ISLR2: variants seen among roughly 807,000 people sequenced by gnomAD.
ISLR2 encodes immunoglobulin superfamily containing leucine rich repeat 2.
ISLR2 carries 16 observed loss-of-function variants against 25.5 expected under a neutral mutation model. The ratio of observed to expected loss-of-function variants is 0.63; its 90% CI spans 0.43 to 0.95. ISLR2 has a LOEUF of 0.95. ISLR2 is among the 40% of genes least tolerant of loss of function. ISLR2 has a pLI of 0.00. For synonymous variants in ISLR2, 508 were observed against 486.6 expected (o/e 1.04, Z -0.58); for missense variants, 883 against 1,030.7 (o/e 0.86, Z 1.96).
At chr15:74,107,609 C>T (rs1178786201) in intron 2 of ISLR2, among the ~76,000 whole-genome samples, 3 of 152,202 alleles carry the variant, frequency 2.0e-5, no homozygotes, top group Non-Finnish European at 4.4e-5. Flanking sequence ...CCAGGCAAAT[C>T]GTCCTGGCTC....
At position 74,134,542 on chromosome 15, in the gene ISLR2, G is replaced by C; in HGVS notation, c.1788G>C (p.Val596=). ...ELPSLLVIVA[V]SVFLLVLATV... ...CATCGCTGCTGGTCATAGTGGCAGT[G>C]AGCGTATTCCTCCTGGTGCTGGCCA... Residue 596 remains valine, a synonymous_variant, in exon 3 of 3, where the codon GTG becomes GTC. Transcript: ENST00000453268. 6.2e-7 allele frequency: 1 copy of C among 1,614,138 alleles called. No individual in the cohort carries two copies.
intron 2 of ISLR2, among the ~76,000 whole-genome samples, chr15:74,121,981 G>C (rs866042442): frequency 6.6e-6 from 1 of 152,292 alleles, no homozygotes; most frequent in Middle Eastern, 3.4e-3. Context: ...GTGGGGGTAC[G>C]GGGGACTAAC....
rs1387181475 is a variant in ISLR2 at position 74,134,783 on chromosome 15, C to T, written c.2029C>T (p.Leu677Phe). ...GCCAGAGGACGTGCAGGGGGAGGGC[C>T]TTGATGAAGACGCGGAGCAGGGAGA... ...EEPEDVQGEG[L>F]DEDAEQGDPS... The change falls in exon 3 of 3, where the codon CTT (leucine) becomes TTT (phenylalanine). Residue 677 changes from leucine to phenylalanine, a missense_variant. This residue lies in a region of ISLR2 where 612 missense variants were observed against 642.8 expected (regional missense o/e 0.95). Coordinates refer to ENST00000453268, the MANE Select transcript of ISLR2 (RefSeq NM_020851.3). 3 of 1,613,886 alleles carry T rather than the reference C, an allele frequency of 1.9e-6. No homozygotes were observed. The highest frequency in any genetic ancestry group is 3.3e-5 in the Admixed American group (2 of 60,006).
rs552147779 is a variant in ISLR2 at position 74,117,336 on chromosome 15, A to G, written n.228+13422A>G. Reference sequence around the variant, plus strand: ...TCTGAAAACTGGGTAGGAAATTGCAATTTTTTGTTGCAACCTTCTGTGGCC... The same window carrying G: ...TCTGAAAACTGGGTAGGAAATTGCAGTTTTTTGTTGCAACCTTCTGTGGCC... On this transcript the variant is annotated intron_variant and non_coding_transcript_variant, in intron 2 of 3. Transcript: ENST00000561975. Among the ~76,000 whole-genome samples, 6 of 152,208 alleles carry G rather than the reference A, an allele frequency of 3.9e-5. No homozygotes were observed. The South Asian group carries it at 8.3e-4, about 21-fold the overall frequency.
intron 2 of ISLR2, among the ~76,000 whole-genome samples, chr15:74,121,311 G>A (rs1049237889): frequency 1.3e-5 from 2 of 152,166 alleles, no homozygotes; most frequent in African/African-American, 4.8e-5. Flanking sequence ...TGGAGATAAG[G>A]ACGCAGGAAG....
Position 74,134,019 on chromosome 15 carries a change from T to C in ISLR2, c.1265T>C (p.Leu422Pro). The stretch of plus-strand genomic sequence containing the variant: ...GAGGGCAAAATCAAAGGCCAAGGCC[T>C]GGCCAAGGTCAGCATTCTCGGGGAG... ...KPEGKIKGQG[L>P]AKVSILGETE... The change falls in exon 3 of 3, where the codon CTG becomes CCG. Residue 422 changes from leucine to proline, a missense_variant. Around this residue, in one of 2 missense-constraint regions of ISLR2, gnomAD observed 612 missense variants for 642.8 expected, o/e 0.95. Transcript: ENST00000453268. 1 of 1,613,124 alleles carries C rather than the reference T, an allele frequency of 6.2e-7. No individual in the cohort carries two copies. The highest frequency in any genetic ancestry group is 8.5e-7 in the Non-Finnish European group (1 of 1,179,634).
chr15:74,128,974 G>A (rs943067944), upstream of ISLR2: 23 of 456,226 alleles, frequency 5.0e-5, no homozygotes, highest in Non-Finnish European at 8.4e-5. Context: ...CCCCGGGCTA[G>A]GGACCCAATC....
At chr15:74,116,558 G>T (rs916258385) in intron 2 of ISLR2, among the ~76,000 whole-genome samples, 2 of 118,680 alleles carry the variant, frequency 1.7e-5, no homozygotes, top group African/African-American at 6.4e-5. Context: ...ACACTGGATA[G>T]AAATTTGGAT....
rs760858033 is a variant in ISLR2, at chr15:74,133,725, C to T, written c.971C>T (p.Pro324Leu). The change falls in exon 3 of 3, where the codon CCG becomes CTG. Residue 324 changes from proline (P) to leucine (L), a missense_variant. By Grantham distance (98) the Pro-to-Leu change is moderately conservative. Transcript: ENST00000453268. Reference protein sequence around the residue: ...AQTPTPAPAWPAPPATPRFLA... With the variant: ...AQTPTPAPAWLAPPATPRFLA... ...ACGCCGACTCCAGCACCCGCTTGGC[C>T]GGCGCCCCCAGCCACACCGCGCTTC... The T allele has an allele frequency of 1.9e-6, 3 of 1,609,302 alleles. No homozygotes were observed. Among genetic ancestry groups the T allele is most frequent in the Non-Finnish European group, 2.5e-6 (3 of 1,177,906 alleles).
upstream of ISLR2, among the ~76,000 whole-genome samples, chr15:74,125,693 G>C (rs981714251): frequency 2.6e-5 from 4 of 152,206 alleles, no homozygotes; most frequent in Non-Finnish European, 5.9e-5. Flanking sequence ...AGTACGTTAA[G>C]CTAATTTCAT....
chr15:74,133,665 G>C lies in ISLR2; in HGVS notation c.911G>C (p.Gly304Ala), dbSNP rs139239003. The change falls in exon 3 of 3, where the codon GGA becomes GCA. Residue 304 changes from glycine to alanine, a missense_variant. Gly to Ala is a moderately conservative substitution (Grantham distance 60). This residue lies in a region of ISLR2 where 612 missense variants were observed against 642.8 expected (regional missense o/e 0.95). Transcript: ENST00000453268. ...GVGAEEGEGE[G>A]DGDLLTQTQA... ...GGGGCGGAGGAAGGAGAGGGAGAAG[G>C]AGATGGGGATTTGCTGACGCAGACC... 4.1e-4 allele frequency: 653 copies of C among 1,610,642 alleles called. No individual in the cohort carries two copies. Among genetic ancestry groups the C allele is most frequent in the Non-Finnish European group, 5.4e-4 (633 of 1,178,606 alleles).
At chr15:74,130,020 G>C (rs935079443), upstream of ISLR2, 2 of 152,166 alleles carry the variant, frequency 1.3e-5, no homozygotes, top group African/African-American at 2.4e-5. Flanking sequence ...CACCTGTCCC[G>C]CGGTGCGCGC....
At chr15:74,123,775 A>G (rs951583036), upstream of ISLR2, among the ~76,000 whole-genome samples, 2 of 152,300 alleles carry the variant, frequency 1.3e-5, no homozygotes, top group African/African-American at 4.8e-5. Flanking sequence ...TAAAGACTGA[A>G]GCTTCCACTG....
chr15:74,116,458 T>G (rs1387787750), intron 2 of ISLR2, among the ~76,000 whole-genome samples: 2 of 151,548 alleles, frequency 1.3e-5, no homozygotes, highest in Admixed American at 1.3e-4. Context: ...AAATAAAGAC[T>G]TTTTCACACA....
At chr15:74,121,461 T>C (rs76529846) in intron 2 of ISLR2, among the ~76,000 whole-genome samples, 1 of 152,174 alleles carries the variant, frequency 6.6e-6, no homozygotes, top group East Asian at 1.9e-4. Flanking sequence ...AATCTTTTCC[T>C]GGGAGGCGCT....
intron 1 of ISLR2, 58 bp downstream of exon 1, chr15:74,130,679 G>C (rs1258697075): frequency 6.6e-6 from 1 of 152,470 alleles, no homozygotes; most frequent in Non-Finnish European, 1.5e-5. Context: ...AGTGTCCCGG[G>C]TGCAGGTGTG....
rs879739388 is a variant in ISLR2 at position 74,102,862 on chromosome 15, G to A, written n.160-984G>A. Among the ~76,000 whole-genome samples the A allele has an allele frequency of 4.0e-3, 607 of 150,646 alleles. 18 individuals carry two copies. The highest frequency in any genetic ancestry group is 0.035 in the Admixed American group (533 of 15,146). ...CTTGCTCTGTTGTCCAGGCTGGAGT[G>A]CAGTGGCATGATCTTGGCTCACTAC... On this transcript the variant is annotated intron_variant and non_coding_transcript_variant, in intron 1 of 3. Transcript: ENST00000561975.
At chr15:74,125,171 G>A (rs773934053), upstream of ISLR2, among the ~76,000 whole-genome samples, 6 of 152,194 alleles carry the variant, frequency 3.9e-5, no homozygotes, top group Non-Finnish European at 7.4e-5. Context: ...GGGTGGGATT[G>A]CCAAGCATTT....
chr15:74,128,556 C>T (rs971792250), upstream of ISLR2: 1 of 456,570 alleles, frequency 2.2e-6, no homozygotes, highest in Non-Finnish European at 4.4e-6. Context: ...GGACGGGTTC[C>T]TGCAGTCCAG....
Sources: gnomAD v4.1 joint callset for allele counts (sites outside exome capture counted in the v4.1 genomes callset) on GRCh38, gnomAD v4.1.1 for gene constraint, gnomAD v4.1.1 regional missense constraint, MANE v1.5 for transcripts, NCBI Gene and HGNC (gene_info 2026-07-23, HGNC 2026-07-21) for gene names.